The following SNX11 variants were observed in gnomAD, a reference collection of about 807,000 sequenced individuals.
SNX11 encodes sorting nexin-11.
SNX11 carries 19 observed loss-of-function variants against 30.7 expected under a neutral mutation model. The observed-to-expected ratio is 0.62, with a 90% CI of 0.43 to 0.91. The LOEUF (loss-of-function observed/expected upper bound fraction) is 0.91. Ranked by LOEUF, SNX11 falls within the 40% of genes least tolerant of loss-of-function variation. SNX11 has a pLI of 0.00. For synonymous variants in SNX11, 112 were observed against 119.0 expected, an observed-to-expected ratio of 0.94 and a Z score of 0.38; for missense variants, 302 against 326.7, an observed-to-expected ratio of 0.92 and a Z score of 0.58.
intron 4 of SNX11, among the ~76,000 whole-genome samples, chr17:48,117,174 C>T (rs1223133701): frequency 1.3e-5 from 2 of 151,872 alleles, no homozygotes; most frequent in Non-Finnish European, 2.9e-5. Flanking sequence ...CCTGCCTCAG[C>T]CTCCCGAGTA....
chr17:48,110,541 T>C (rs1264574017), intron 1 of SNX11, among the ~76,000 whole-genome samples: 1 of 152,170 alleles, frequency 6.6e-6, no homozygotes, highest in Non-Finnish European at 1.5e-5. Flanking sequence ...AAACATAAAA[T>C]AGAAGGAAAC....
chr17:48,114,520 C>G (rs2063524738), intron 4 of SNX11, among the ~76,000 whole-genome samples: 1 of 143,338 alleles, frequency 7.0e-6, no homozygotes, highest in Non-Finnish European at 1.5e-5. Context: ...TGCAGTGGTA[C>G]AATCTCGGCT....
intron 6 of SNX11, among the ~76,000 whole-genome samples, chr17:48,119,757 GAC>G (rs2063579926): frequency 6.6e-6 from 1 of 152,078 alleles, no homozygotes; most frequent in African/African-American, 2.4e-5. Flanking sequence ...TAGCTTTATT[GAC>G]ACACAATTTA....
At chr17:48,117,726 G>A (rs1378346189) in intron 4 of SNX11, among the ~76,000 whole-genome samples, 1 of 152,098 alleles carries the variant, frequency 6.6e-6, no homozygotes, top group Non-Finnish European at 1.5e-5. Context: ...AGTGTGGCTC[G>A]GCTTGGTGGC....
chr17:48,121,356 C>T lies in SNX11; in HGVS notation c.661C>T (p.Pro221Ser). 1 of 1,614,136 alleles carries T rather than the reference C, an allele frequency of 6.2e-7. No individual in the cohort carries two copies. The highest frequency in any genetic ancestry group is 8.5e-7 in the Non-Finnish European group (1 of 1,180,018). ...VDSEVPSLES[P>S]TLPPLSSPLC... ...CTCTGAGGTTCCTTCCTTGGAAAGT[C>T]CCACTCTCCCACCCCTCTCCTCACC... Residue 221 changes from proline (P) to serine (S), a missense_variant, in exon 7 of 7, where the codon CCC becomes TCC. Physicochemically the swap from Pro to Ser is moderately conservative, Grantham distance 74. Coordinates refer to ENST00000359238, the MANE Select transcript of SNX11 (RefSeq NM_013323.3).
At chr17:48,119,681 A>G (rs985371276) in intron 6 of SNX11, among the ~76,000 whole-genome samples, 1 of 152,066 alleles carries the variant, frequency 6.6e-6, no homozygotes, top group Non-Finnish European at 1.5e-5. Context: ...CAAACACCTG[A>G]CCTTAGGTGA....
intron 1 of SNX11, among the ~76,000 whole-genome samples, chr17:48,110,216 A>G (rs2144501693): frequency 6.6e-6 from 1 of 152,318 alleles, no homozygotes; most frequent in Admixed American, 6.5e-5. Flanking sequence ...GGAATGTTAT[A>G]TATGGGTTGT....
intron 1 of SNX11, among the ~76,000 whole-genome samples, chr17:48,108,858 G>A (rs2063461545): frequency 6.6e-6 from 1 of 152,210 alleles, no homozygotes; most frequent in Non-Finnish European, 1.5e-5. Flanking sequence ...GGTATCTGTG[G>A]GGAGGAATCT....
intron 4 of SNX11, 72 bp downstream of exon 4, chr17:48,113,473 A>T (rs921565268): frequency 9.9e-7 from 1 of 1,006,230 alleles, no homozygotes; most frequent in Admixed American, 1.7e-5. Flanking sequence ...ACTGGAGTTG[A>T]CAATGAAGAG....
At chr17:48,111,163 G>A (rs569882316) in intron 1 of SNX11, 2 of 983,998 alleles carry the variant, frequency 2.0e-6, no homozygotes, top group Admixed American at 1.2e-4. Context: ...CCAGAGTATG[G>A]ATTGGATAAG....
chr17:48,114,141 C>T (rs1273203584), intron 4 of SNX11, among the ~76,000 whole-genome samples: 4 of 151,024 alleles, frequency 2.6e-5, no homozygotes, highest in African/African-American at 9.7e-5. Context: ...CAGGCGTGAG[C>T]CACCACTCCT....
chr17:48,119,069 G>T lies in SNX11; in HGVS notation c.422G>T (p.Gly141Val). 1 of 1,614,090 alleles carries T rather than the reference G, an allele frequency of 6.2e-7. No individual in the cohort carries two copies. ...SVPEIEACVQ[G>V]RSTMTVSDAI... ...CCTGAGATAGAAGCCTGTGTCCAGG[G>T]CCGAAGTACCATGACTGTGTCTGAT... Residue 141 changes from glycine (G) to valine (V), a missense_variant, in exon 6 of 7, where the codon GGC becomes GTC. By Grantham distance (109) the Gly-to-Val change is moderately radical. Transcript: ENST00000359238.
chr17:48,113,303 C>G lies in SNX11; in HGVS notation c.132C>G (p.Thr44=), dbSNP rs768224550. 2 of 1,612,536 alleles carry G rather than the reference C, an allele frequency of 1.2e-6. No individual in the cohort carries two copies. The highest frequency in any genetic ancestry group is 1.7e-6 in the Non-Finnish European group (2 of 1,178,942). ...ACTTCATGTGCTTTCATGTATAGAC[C>G]AACAGCAAAGCCTTTACTGCCAAGA... ...SYVDYKIFLH[T]NSKAFTAKTS... The change falls in exon 4 of 7, where the codon ACC becomes ACG. Residue 44 remains threonine (T), a splice_region_variant and synonymous_variant. Coordinates refer to ENST00000359238, the MANE Select transcript of SNX11 (RefSeq NM_013323.3).
In SNX11 at chr17:48,111,158, G is replaced by A. The variant is rs191556669; in HGVS notation, c.-13-873G>A. Reference sequence around the variant, plus strand: ...TAGAACAATTGGCTCGGGTTCCAGAGTATGGATTGGATAAGGGGAAGGTCC... The same window carrying A: ...TAGAACAATTGGCTCGGGTTCCAGAATATGGATTGGATAAGGGGAAGGTCC... On this transcript the variant is annotated intron_variant, in intron 1 of 6. Transcript: ENST00000359238. 2.9e-4 allele frequency: 288 copies of A among 984,808 alleles called. No individual in the cohort carries two copies. The African/African-American group carries it at 4.9e-3, about 17-fold the overall frequency. The allele number at this position is 984,808 out of a possible 1,614,324, so 61.0% of individuals were successfully genotyped here. A position where few individuals can be genotyped will look rare whatever the true frequency, so the allele number is the denominator to read the frequency against.
chr17:48,108,066 T>G (rs1303397564), intron 1 of SNX11: 1 of 152,178 alleles, frequency 6.6e-6, no homozygotes, highest in African/African-American at 2.4e-5. Flanking sequence ...CCCCCCAAGC[T>G]TAATCGGAAA....
intron 2 of SNX11, 118 bp from the exon 3 acceptor site, chr17:48,112,456 A>T (rs1443963170): frequency 1.4e-6 from 1 of 712,480 alleles, no homozygotes; most frequent in Non-Finnish European, 2.5e-6. Context: ...GAATTGAATA[A>T]ATGAAAGTTG....
At chr17:48,113,268 C>G in intron 3 of SNX11, 33 bp from the exon 4 acceptor site, 1 of 1,558,510 alleles carries the variant, frequency 6.4e-7, no homozygotes, top group Non-Finnish European at 8.8e-7. Context: ...CCACTAAACC[C>G]TTTTCATGTA....
rs1164308517 is a variant in SNX11 at position 48,121,267 on chromosome 17, G to A, written c.572G>A (p.Ser191Asn). Reference sequence around the variant, plus strand: ...TTTCTTCCAAGATCGGGTAGGAGGAGCTCTCCCTCACCGCCTCCCAGTGAA... The same window carrying A: ...TTTCTTCCAAGATCGGGTAGGAGGAACTCTCCCTCACCGCCTCCCAGTGAA... ...CCFLPRSGRRSSPSPPPSEEK... is the reference protein window; with the variant it reads ...CCFLPRSGRRNSPSPPPSEEK... Residue 191 changes from serine (S) to asparagine (N), a missense_variant, in exon 7 of 7, where the codon AGC becomes AAC. Coordinates refer to ENST00000359238, the MANE Select transcript of SNX11 (RefSeq NM_013323.3). The A allele has an allele frequency of 1.9e-6, 3 of 1,614,126 alleles. No individual in the cohort carries two copies. Among genetic ancestry groups the A allele is most frequent in the African/African-American group, 1.3e-5 (1 of 75,030 alleles).
intron 1 of SNX11, among the ~76,000 whole-genome samples, chr17:48,109,782 T>C (rs906862700): frequency 6.6e-6 from 1 of 152,062 alleles, no homozygotes; most frequent in African/African-American, 2.4e-5. Flanking sequence ...TTCATTACGT[T>C]GGCCAGGCTG....
Sources: allele counts gnomAD v4.1 joint callset (sites outside exome capture counted in the v4.1 genomes callset), GRCh38; gene constraint gnomAD v4.1.1; transcripts MANE v1.5; gene names NCBI Gene and HGNC (gene_info 2026-07-23, HGNC 2026-07-21).